The following TRIM44 variants were observed in gnomAD, a reference collection of about 807,000 sequenced individuals.
The protein encoded by TRIM44 is tripartite motif-containing protein 44.
TRIM44 carries 13 observed loss-of-function variants against 37.4 expected under a neutral mutation model. The ratio of observed to expected loss-of-function variants is 0.35; its 90% confidence interval spans 0.23 to 0.55. The LOEUF (loss-of-function observed/expected upper bound fraction) is 0.55, where lower values mean the gene tolerates loss of function less well. TRIM44 is among the 20% of genes least tolerant of loss of function. TRIM44 has a pLI of 0.89. For missense variants in TRIM44, 426 were observed against 437.2 expected, an observed-to-expected ratio of 0.97 and a Z score of 0.23; for synonymous variants, 175 against 157.2, an observed-to-expected ratio of 1.11 and a Z score of -0.85.
chr11:35,758,540 T>C (rs1280444202), intron 4 of TRIM44, among the ~76,000 whole-genome samples: 1 of 152,208 alleles, frequency 6.6e-6, no homozygotes, highest in African/African-American at 2.4e-5. Flanking sequence ...GATCCTGTCT[T>C]TATGATGTTA....
chr11:35,700,647 A>G (rs913140068), intron 2 of TRIM44, among the ~76,000 whole-genome samples: 4 of 152,080 alleles, frequency 2.6e-5, no homozygotes, highest in African/African-American at 9.7e-5. Context: ...TCTTTAAACA[A>G]CCAGTTATTT....
At chr11:35,726,788 T>C (rs1852180976) in intron 3 of TRIM44, among the ~76,000 whole-genome samples, 1 of 151,550 alleles carries the variant, frequency 6.6e-6, no homozygotes, top group African/African-American at 2.4e-5. Context: ...AATAAAAGGG[T>C]CTTAGGCATT....
chr11:35,814,877 CGAG>C lies in TRIM44; in HGVS notation c.*8497_*8499del, dbSNP rs1454290337. Reference sequence around the variant, plus strand: ...AACAGTACAATCAGCAGTAGGAAAACGAGGAGGGAGGGAGAGGGAAATTGTCCA... The same window carrying C: ...AACAGTACAATCAGCAGTAGGAAAACGAGGGAGGGAGAGGGAAATTGTCCA... On this transcript the variant is annotated 3_prime_UTR_variant, in exon 5 of 5. Transcript: ENST00000299413. The C allele has an allele frequency of 6.6e-6, 1 of 151,954 alleles. No homozygotes were observed. Among genetic ancestry groups the C allele is most frequent in the Non-Finnish European group, 1.5e-5 (1 of 68,026 alleles). 9.4% of individuals were successfully genotyped at this position (151,954 alleles called of 1,614,324 possible).
intron 2 of TRIM44, among the ~76,000 whole-genome samples, chr11:35,708,689 C>A (rs1018327827): frequency 6.6e-6 from 1 of 151,614 alleles, no homozygotes; most frequent in Non-Finnish European, 1.5e-5. Context: ...CATATTCTCA[C>A]TCACAGGTGG....
At chr11:35,670,633 A>T (rs549624938) in intron 1 of TRIM44, among the ~76,000 whole-genome samples, 1 of 152,224 alleles carries the variant, frequency 6.6e-6, no homozygotes, top group African/African-American at 2.4e-5. Context: ...GTGTCATTCA[A>T]TTCTTAATTT....
chr11:35,774,546 GC>G (rs1852924171), intron 4 of TRIM44, among the ~76,000 whole-genome samples: 1 of 152,158 alleles, frequency 6.6e-6, no homozygotes, highest in Non-Finnish European at 1.5e-5. Flanking sequence ...CCTTGCCCCT[GC>G]CTATGTCCTG....
intron 4 of TRIM44, among the ~76,000 whole-genome samples, chr11:35,790,991 T>A (rs909428281): frequency 6.6e-6 from 1 of 152,162 alleles, no homozygotes; most frequent in Non-Finnish European, 1.5e-5. Context: ...CTGGCAGAGA[T>A]GCTTGAGTTA....
rs547975209 is a variant in TRIM44, at chr11:35,685,953, C to A, written c.747+617C>A. ...CTGGGACTACAGGTGTGAGCCACCG[C>A]ACCAGCTGAGAAATACAGATCATCT... On this transcript the variant is annotated intron_variant, in intron 2 of 4. Transcript: ENST00000299413. 2.6e-5 allele frequency among the ~76,000 whole-genome samples: 4 copies of A among 152,328 alleles called. No homozygotes were observed. The East Asian group carries it at 7.7e-4, about 29-fold the overall frequency.
intron 4 of TRIM44, among the ~76,000 whole-genome samples, chr11:35,752,664 C>G (rs7931180): frequency 0.013 from 1,942 of 152,246 alleles, 44 homozygotes; most frequent in African/African-American, 0.044. Flanking sequence ...CTCTCCATCC[C>G]CATGCCTCAT....
rs1853592880 is a variant in TRIM44, at chr11:35,817,438, C to G, written c.*11053C>G. The G allele has an allele frequency of 6.6e-6, 1 of 152,170 alleles. No homozygotes were observed. The highest frequency in any genetic ancestry group is 2.4e-5 in the African/African-American group (1 of 41,440). The allele number at this position is 152,170 out of a possible 1,614,324, so 9.4% of individuals were successfully genotyped here. Reference sequence around the variant, plus strand: ...AGGATCTCTCTTTTCTCTTCCACCTCTAACACGGTAAGATCTTAGCAAAGT... The same window carrying G: ...AGGATCTCTCTTTTCTCTTCCACCTGTAACACGGTAAGATCTTAGCAAAGT... On this transcript the variant is annotated 3_prime_UTR_variant, in exon 5 of 5. Transcript: ENST00000299413.
intron 1 of TRIM44, among the ~76,000 whole-genome samples, chr11:35,678,097 A>G (rs1478884477): frequency 6.6e-6 from 1 of 152,164 alleles, no homozygotes; most frequent in Non-Finnish European, 1.5e-5. Context: ...GTAGGGGTTG[A>G]CTAGTAGATG....
intron 4 of TRIM44, among the ~76,000 whole-genome samples, chr11:35,757,650 T>C (rs1239744702): frequency 1.3e-5 from 2 of 152,140 alleles, no homozygotes; most frequent in Admixed American, 6.5e-5. Flanking sequence ...CTATAAATTT[T>C]CCTCTACACA....
At chr11:35,717,008 G>A (rs548704411) in intron 2 of TRIM44, among the ~76,000 whole-genome samples, 2 of 152,308 alleles carry the variant, frequency 1.3e-5, no homozygotes, top group Non-Finnish European at 2.9e-5. Context: ...AAAAAAGGTA[G>A]CAGTGATAAT....
At chr11:35,779,195 T>C (rs959780899) in intron 4 of TRIM44, among the ~76,000 whole-genome samples, 4 of 152,212 alleles carry the variant, frequency 2.6e-5, no homozygotes, top group Non-Finnish European at 4.4e-5. Context: ...CTCTGACTGC[T>C]GTGCTTGCTA....
intron 1 of TRIM44, among the ~76,000 whole-genome samples, chr11:35,683,111 T>C (rs1478005810): frequency 1.3e-5 from 2 of 152,134 alleles, no homozygotes; most frequent in East Asian, 3.9e-4. Flanking sequence ...AGCATGATTG[T>C]TTCTGGCAAC....
At chr11:35,743,908 G>A (rs963185629) in intron 4 of TRIM44, among the ~76,000 whole-genome samples, 5 of 152,188 alleles carry the variant, frequency 3.3e-5, no homozygotes, top group African/African-American at 4.8e-5. Context: ...TTGTCGTAAT[G>A]TGCTGACTTT....
chr11:35,685,119 A>T (rs1306267005), intron 1 of TRIM44, 140 bp from the exon 2 acceptor site: 2 of 644,176 alleles, frequency 3.1e-6, no homozygotes, highest in East Asian at 5.4e-5. Flanking sequence ...AAGAGGGGCA[A>T]TGCACCTCTC....
At chr11:35,750,951 T>C (rs1852552021) in intron 4 of TRIM44, among the ~76,000 whole-genome samples, 1 of 150,648 alleles carries the variant, frequency 6.6e-6, no homozygotes, top group African/African-American at 2.4e-5. Flanking sequence ...AAAAAAAACT[T>C]GGATGTACAT....
intron 4 of TRIM44, among the ~76,000 whole-genome samples, chr11:35,783,892 C>T (rs565334356): frequency 2.0e-5 from 3 of 152,260 alleles, no homozygotes; most frequent in South Asian, 4.1e-4. Context: ...GAGGGATACA[C>T]GTTTTGGGGT....
Sources: gnomAD v4.1 joint callset for allele counts (sites outside exome capture counted in the v4.1 genomes callset) on GRCh38, gnomAD v4.1.1 for gene constraint, MANE v1.5 for transcripts, NCBI Gene and HGNC (gene_info 2026-07-23, HGNC 2026-07-21) for gene names.